TTN: variants seen among roughly 807,000 people sequenced by gnomAD.
The protein encoded by TTN is titin.
In TTN, 1,525 loss-of-function variants were observed where a neutral mutation model predicts 3,223.0. The ratio of observed to expected loss-of-function variants is 0.47; its 90% CI spans 0.45 to 0.49. The LOEUF (loss-of-function observed/expected upper bound fraction) is 0.49, where lower values mean the gene tolerates loss of function less well. Among genes scored for constraint, TTN ranks in the 20% least tolerant of loss-of-function variants. The probability of loss-of-function intolerance (pLI) is 0.00; values close to 1 mark genes in which losing one functional copy is unlikely to be tolerated. For synonymous variants in TTN, 14,094 were observed against 15,161.0 expected (o/e 0.93, Z 5.17); for missense variants, 40,786 against 43,424.0 (o/e 0.94, Z 5.40).
chr2:178,650,685 A>G (rs2062781123), intron 209 of TTN, 66 bp downstream of exon 209: 1 of 1,396,964 alleles, frequency 7.2e-7, no homozygotes, highest in African/African-American at 1.5e-5. Flanking sequence ...GGAAGGAAGA[A>G]GAACAAAGCT....
intron 259 of TTN, 39 bp downstream of exon 259, chr2:178,615,267 AG>A: frequency 6.2e-7 from 1 of 1,604,402 alleles, no homozygotes; most frequent in Non-Finnish European, 8.5e-7. Flanking sequence ...TTTAGTGACT[AG>A]GAGTACACAT....
At position 178,571,971 on chromosome 2, in the gene TTN, G is replaced by A. The variant is rs770457900; in HGVS notation, c.74161C>T (p.Leu24721=). The A allele has an allele frequency of 6.2e-6, 10 of 1,613,192 alleles. No homozygotes were observed. Among genetic ancestry groups the A allele is most frequent in the African/African-American group, 4.0e-5 (3 of 74,884 alleles). The change falls in exon 326 of 363, where the codon CTG becomes TTG. Residue 24721 remains leucine (L), a synonymous_variant. Transcript: ENST00000589042. ...DLVIPPAFKL[L]FNTFTVLAGE... ...GCCAGTACAGTGAAAGTATTGAACA[G>A]GAGTTTGAAGGCTGGTGGAATGACA...
chr2:178,598,089 A>G (rs2052238342), intron 292 of TTN, 31 bp from the exon 293 acceptor site: 1 of 1,598,568 alleles, frequency 6.3e-7, no homozygotes, highest in African/African-American at 1.3e-5. Context: ...TTTTATAATT[A>G]GAATAGTTCT....
rs748146062 is a variant in TTN, at chr2:178,728,935, T to C, written c.19103A>G (p.Asn6368Ser). The C allele has an allele frequency of 1.9e-6, 3 of 1,611,694 alleles. No individual in the cohort carries two copies. Among genetic ancestry groups the C allele is most frequent in the Non-Finnish European group, 2.5e-6 (3 of 1,178,752 alleles). Residue 6368 changes from asparagine to serine, a missense_variant, in exon 65 of 363, where the codon AAT (asparagine) becomes AGT (serine). Asn to Ser is a conservative substitution (Grantham distance 46). Transcript: ENST00000589042. ...HSGRYTCQAK[N>S]ESGVERCYAF... Reference sequence around the variant, plus strand: ...ATAACACCTCTCAACTCCTGACTCATTCTTGGCTTGACAGGTATATCTCCC... The same window carrying C: ...ATAACACCTCTCAACTCCTGACTCACTCTTGGCTTGACAGGTATATCTCCC...
chr2:178,652,159 C>T lies in TTN; in HGVS notation c.39232G>A (p.Ala13078Thr), dbSNP rs1269337745. 3 of 1,612,210 alleles carry T rather than the reference C, an allele frequency of 1.9e-6. No homozygotes were observed. The East Asian group carries it at 6.7e-5, about 36-fold the overall frequency. The change falls in exon 204 of 363, where the codon GCT becomes ACT. Residue 13078 changes from alanine (A) to threonine (T), a missense_variant. By Grantham distance (58) the Ala-to-Thr change is moderately conservative. Coordinates refer to ENST00000589042, the MANE Select transcript of TTN (RefSeq NM_001267550.2). ...TCAGGCACCTTCTTTTCTGGGACAG[C>T]TACCTTTGGCACCTCTGGGACTTTA... ...PTKVPEVPKVAVPEKKVPEAI... is the reference protein window; with the variant it reads ...PTKVPEVPKVTVPEKKVPEAI...
chr2:178,703,480 T>C (rs1195846959), intron 106 of TTN, among the ~76,000 whole-genome samples: 2 of 152,196 alleles, frequency 1.3e-5, no homozygotes, highest in Non-Finnish European at 2.9e-5. Context: ...TGTCATATAT[T>C]TGTGTTTCAG....
Position 178,594,441 on chromosome 2 carries a change from T to G in TTN, c.58053A>C (p.Glu19351Asp). ...TGACACGGTACTCATAGGTATCACC[T>G]TCTTTTAAGCCTTTAACAGTGTATT... ...SRKYTVKGLK[E>D]GDTYEYRVSA... The change falls in exon 296 of 363, where the codon GAA becomes GAC. Residue 19351 changes from glutamate to aspartate, a missense_variant. Physicochemically the swap from Glu to Asp is conservative, Grantham distance 45. Coordinates refer to ENST00000589042, the MANE Select transcript of TTN (RefSeq NM_001267550.2). 2 of 1,613,156 alleles carry G rather than the reference T, an allele frequency of 1.2e-6. No homozygotes were observed. The highest frequency in any genetic ancestry group is 2.2e-5 in the South Asian group (2 of 90,962).
intron 20 of TTN, among the ~76,000 whole-genome samples, chr2:178,782,007 A>G (rs1250605410): frequency 6.6e-6 from 1 of 152,118 alleles, no homozygotes; most frequent in East Asian, 1.9e-4. Context: ...AAAGAAATAT[A>G]TCTTCCATCC....
chr2:178,593,793 G>C lies in TTN; in HGVS notation c.58507C>G (p.Pro19503Ala), dbSNP rs762898731. 1 of 1,612,892 alleles carries C rather than the reference G, an allele frequency of 6.2e-7. No individual in the cohort carries two copies. The highest frequency in any genetic ancestry group is 8.5e-7 in the Non-Finnish European group (1 of 1,179,542). ...TKDYMVISWKPPLDDGGSKIT... is the reference protein window; with the variant it reads ...TKDYMVISWKAPLDDGGSKIT... ...TTACTGCCTCCATCATCTAAAGGAG[G>C]CTTCCAAGAGATAACCATGTAATCT... is the stretch of plus-strand genomic sequence containing the variant. Residue 19503 changes from proline (P) to alanine (A), a missense_variant, in exon 298 of 363, where the codon CCT (proline) becomes GCT (alanine). Coordinates refer to ENST00000589042, the MANE Select transcript of TTN (RefSeq NM_001267550.2).
rs1221715474 is a variant in TTN, at chr2:178,790,653, G to T, written c.1800+55C>A. The T allele has an allele frequency of 3.7e-5, 60 of 1,612,692 alleles. No individual in the cohort carries two copies. The East Asian group carries it at 1.1e-3, about 29-fold the overall frequency. ...TAAGATCCATGATGAAAATGTAGGT[G>T]ATTTGCAAATGAAATGGTGCAAGAG... On this transcript the variant is annotated intron_variant, in intron 11 of 362. Transcript: ENST00000589042.
At chr2:178,781,441 G>A (rs2092751181) in intron 20 of TTN, among the ~76,000 whole-genome samples, 178 bp from the exon 21 acceptor site, 1 of 152,098 alleles carries the variant, frequency 6.6e-6, no homozygotes, top group Non-Finnish European at 1.5e-5. Flanking sequence ...AAGAACATGA[G>A]TAATTAGGGC....
rs1317943530 is a variant in TTN at position 178,567,032 on chromosome 2, T to C, written c.79100A>G (p.Tyr26367Cys). The C allele has an allele frequency of 1.2e-6, 2 of 1,613,638 alleles. No homozygotes were observed. Among genetic ancestry groups the C allele is most frequent in the Admixed American group, 3.3e-5 (2 of 60,002 alleles). The change falls in exon 326 of 363, where the codon TAT (tyrosine) becomes TGT (cysteine). Residue 26367 changes from tyrosine to cysteine, a missense_variant. Tyr to Cys is a radical substitution (Grantham distance 194). Transcript: ENST00000589042. ...YVFRIMAVNK[Y>C]GVGEPLESAP... ...AGATTCCAAAGGCTCTCCAACACCA[T>C]ATTTGTTGACAGCCATTATACGGAA...
Position 178,564,743 on chromosome 2 carries a change from G to A in TTN, c.81389C>T (p.Thr27130Ile), listed in dbSNP as rs757768218. 9 of 1,612,916 alleles carry A rather than the reference G, an allele frequency of 5.6e-6. No homozygotes were observed. The highest frequency in any genetic ancestry group is 3.4e-6 in the Non-Finnish European group (4 of 1,179,412). Residue 27130 changes from threonine to isoleucine, a missense_variant, in exon 326 of 363, where the codon ACC (threonine) becomes ATC (isoleucine). Transcript: ENST00000589042. ...VKLNKTPIQD[T>I]KFKTTGLDEG... ...ATCAAGCCCAGTTGTTTTGAATTTG[G>A]TGTCCTGAATGGGGGTCTTATTTAA...
chr2:178,799,566 G>C lies in TTN; in HGVS notation c.835C>G (p.Arg279Gly). The C allele has an allele frequency of 1.2e-6, 2 of 1,614,144 alleles. No homozygotes were observed. The highest frequency in any genetic ancestry group is 1.1e-5 in the South Asian group (1 of 91,080). ...PSIAAKAQLA[R>G]QQSPSPIRHS... Reference sequence around the variant, plus strand: ...CTTATGGGCGATGGGGACTGCTGCCGAGCCAGCTGTGCTTTGGCAGCAATA... The same window carrying C: ...CTTATGGGCGATGGGGACTGCTGCCCAGCCAGCTGTGCTTTGGCAGCAATA... The change falls in exon 6 of 363, where the codon CGG becomes GGG. Residue 279 changes from arginine to glycine, a missense_variant. Physicochemically the swap from Arg to Gly is moderately radical, Grantham distance 125. Transcript: ENST00000589042.
At position 178,535,507 on chromosome 2, in the gene TTN, C is replaced by A. The variant is rs576025689; in HGVS notation, c.101108G>T (p.Arg33703Leu). Residue 33703 changes from arginine (R) to leucine (L), a missense_variant, in exon 358 of 363, where the codon CGA becomes CTA. By Grantham distance (102) the Arg-to-Leu change is moderately radical (BLOSUM62 -2). Transcript: ENST00000589042. ...AGTCCATGTTAAGTTGACAGAATCT[C>A]GTGAGACATCACTAACTTTGACTCC... Reference protein sequence around the residue: ...PRGVKVSDVSRDSVNLTWTEP... With the variant: ...PRGVKVSDVSLDSVNLTWTEP... The A allele has an allele frequency of 1.2e-6, 2 of 1,613,846 alleles. No individual in the cohort carries two copies. Among genetic ancestry groups the A allele is most frequent in the African/African-American group, 1.3e-5 (1 of 75,028 alleles).
intron 47 of TTN, chr2:178,747,767 A>T (rs769485431): frequency 4.8e-5 from 77 of 1,611,734 alleles, no homozygotes; most frequent in Non-Finnish European, 6.5e-5. Flanking sequence ...AGTTTCTATC[A>T]TTTCTCCTTC....
Position 178,734,323 on chromosome 2 carries a change from C to G in TTN, c.15496+5G>C. 1.9e-6 allele frequency: 3 copies of G among 1,576,270 alleles called. No homozygotes were observed. Among genetic ancestry groups the G allele is most frequent in the Non-Finnish European group, 2.6e-6 (3 of 1,161,584 alleles). ...TAAAGAGACATTAGTTTTTCAAGCA[C>G]TAACCTTTGAGTAAGTGGGTTGCCA... On this transcript the variant is annotated splice_donor_5th_base_variant and intron_variant, in intron 52 of 362. Transcript: ENST00000589042.
At chr2:178,699,889 G>C (rs1039987361) in intron 111 of TTN, among the ~76,000 whole-genome samples, 2 of 149,836 alleles carry the variant, frequency 1.3e-5, no homozygotes, top group East Asian at 3.9e-4. Context: ...CACCACGCCC[G>C]GCTAATTTTT....
intron 168 of TTN, 128 bp from the exon 169 acceptor site, chr2:178,664,226 A>G: frequency 1.0e-6 from 1 of 969,274 alleles, no homozygotes; most frequent in East Asian, 2.6e-5. Context: ...AAGTTCCCAT[A>G]ATAGGTGGTG....
Sources: allele counts gnomAD v4.1 joint callset (sites outside exome capture counted in the v4.1 genomes callset), GRCh38; gene constraint gnomAD v4.1.1; transcripts MANE v1.5; gene names NCBI Gene and HGNC (gene_info 2026-07-23, HGNC 2026-07-21).